Variants in UTRN observed in about 807,000 individuals in gnomAD.
UTRN encodes the protein dystrophin-related protein 1.
A neutral mutation model predicts 463.9 loss-of-function variants in UTRN; 283 were observed. That is an observed-to-expected ratio of 0.61 (90% CI 0.55 to 0.67). The LOEUF (loss-of-function observed/expected upper bound fraction) is 0.67, where lower values mean the gene tolerates loss of function less well. UTRN is among the 30% of genes least tolerant of loss of function. The pLI, the probability that UTRN is intolerant of heterozygous loss-of-function variation, is 0.00. For missense variants in UTRN, 3,922 were observed against 4,084.3 expected (o/e 0.96, Z 1.08); for synonymous variants, 1,442 against 1,431.5 (o/e 1.01, Z -0.17).
chr6:144,308,778 T>C (rs1805982579), intron 2 of UTRN, among the ~76,000 whole-genome samples: 1 of 152,202 alleles, frequency 6.6e-6, no homozygotes, highest in African/African-American at 2.4e-5. Flanking sequence ...TGATTTCCCC[T>C]TTAGTGGATC....
intron 51 of UTRN, among the ~76,000 whole-genome samples, chr6:144,648,251 C>T (rs967140473): frequency 2.0e-5 from 3 of 152,080 alleles, no homozygotes; most frequent in Non-Finnish European, 4.4e-5. Context: ...TGAAAATACA[C>T]CACTCATTCA....
chr6:144,735,064 C>T (rs1247006651), intron 54 of UTRN, among the ~76,000 whole-genome samples: 7 of 152,134 alleles, frequency 4.6e-5, no homozygotes, highest in African/African-American at 1.7e-4. Context: ...ATGAGCTGAG[C>T]ACTGTCCAAG....
At chr6:144,376,923 A>G (rs1780513807) in intron 2 of UTRN, among the ~76,000 whole-genome samples, 1 of 152,208 alleles carries the variant, frequency 6.6e-6, no homozygotes, top group South Asian at 2.1e-4. Context: ...ACTGTGCTCT[A>G]AGCTACAGAT....
intron 43 of UTRN, 27 bp downstream of exon 43, chr6:144,533,287 C>T: frequency 6.2e-7 from 1 of 1,610,402 alleles, no homozygotes; most frequent in Middle Eastern, 1.7e-4. Context: ...TGTTTGCAGG[C>T]ACAGGAGTGA....
intron 53 of UTRN, 42 bp downstream of exon 53, chr6:144,700,285 A>G (rs1379544788): frequency 1.3e-6 from 2 of 1,548,548 alleles, no homozygotes; most frequent in African/African-American, 2.7e-5. Flanking sequence ...TTCAAATTCT[A>G]GTGAGGTAGA....
rs987289299 is a variant in UTRN at position 144,835,944 on chromosome 6, C to G, written c.9824+6C>G. The stretch of plus-strand genomic sequence containing the variant: ...GACCTGGAGGAAGAACAAAGGTGTG[C>G]TAGGCCTGGGAGAAGGAAATATGTC... On this transcript the variant is annotated splice_donor_region_variant and intron_variant, in intron 70 of 74. Coordinates refer to ENST00000367545, the MANE Select transcript of UTRN (RefSeq NM_007124.3). 3 of 1,613,450 alleles carry G rather than the reference C, an allele frequency of 1.9e-6. No individual in the cohort carries two copies. In the African/African-American group the frequency reaches 4.0e-5, roughly 22 times the overall value.
chr6:144,542,915 T>G, intron 46 of UTRN, 45 bp downstream of exon 46: 2 of 1,533,670 alleles, frequency 1.3e-6, no homozygotes, highest in Non-Finnish European at 1.8e-6. Context: ...AAAATCAGTA[T>G]GTAAAATTTT....
At chr6:144,714,865 A>G (rs902601006) in intron 53 of UTRN, among the ~76,000 whole-genome samples, 9 of 152,054 alleles carry the variant, frequency 5.9e-5, no homozygotes, top group African/African-American at 2.2e-4. Flanking sequence ...CTGACTTATT[A>G]ACTGTTCCTC....
At chr6:144,737,825 A>G (rs1025229438) in intron 54 of UTRN, among the ~76,000 whole-genome samples, 4 of 119,848 alleles carry the variant, frequency 3.3e-5, no homozygotes, top group African/African-American at 1.8e-4. Flanking sequence ...AATGCAATTG[A>G]ACTGTTTTTT....
At chr6:144,554,959 C>G in intron 49 of UTRN, 66 bp downstream of exon 49, 1 of 1,529,690 alleles carries the variant, frequency 6.5e-7, no homozygotes, top group Non-Finnish European at 8.9e-7. Context: ...CTATTGTTCA[C>G]TGTAATTCTT....
At chr6:144,642,181 A>C (rs1585737942) in intron 51 of UTRN, among the ~76,000 whole-genome samples, 1 of 152,200 alleles carries the variant, frequency 6.6e-6, no homozygotes. Context: ...TTTAATTTAG[A>C]CTACTTATAC....
Position 144,373,965 on chromosome 6 carries a change from G to A in UTRN, c.80-29158G>A, listed in dbSNP as rs146750252. ...TGGGATGGAGAGCCTTTGAATTACC[G>A]TGGGTGTATGTGTTATCCATTTGCT... On this transcript the variant is annotated intron_variant, in intron 2 of 74. Coordinates refer to ENST00000367545, the MANE Select transcript of UTRN (RefSeq NM_007124.3). Among the ~76,000 whole-genome samples the A allele has an allele frequency of 2.6e-5, 4 of 152,282 alleles. No individual in the cohort carries two copies. The East Asian group carries it at 7.7e-4, about 29-fold the overall frequency.
rs535219098 is a variant in UTRN at position 144,713,920 on chromosome 6, CA to C, written c.7809+13695del. On this transcript the variant is annotated intron_variant, in intron 53 of 74. Transcript: ENST00000367545. Reference sequence around the variant, plus strand: ...GGGAAACAAGAGTGAAACTCTGTCTCAAAAAAAAAAAAAAAAAAGTACAGGG... The same window carrying C: ...GGGAAACAAGAGTGAAACTCTGTCTCAAAAAAAAAAAAAAAAAGTACAGGG... Among the ~76,000 whole-genome samples, 481 of 101,150 alleles carry C rather than the reference CA, an allele frequency of 4.8e-3. 1 individual carries two copies. Among genetic ancestry groups the C allele is most frequent in the East Asian group, 0.022 (86 of 3,882 alleles). 66.4% of individuals were successfully genotyped at this position (101,150 alleles called of 152,430 possible).
At chr6:144,383,288 T>C (rs1781099722) in intron 2 of UTRN, among the ~76,000 whole-genome samples, 2 of 152,198 alleles carry the variant, frequency 1.3e-5, no homozygotes, top group Admixed American at 6.5e-5. Context: ...CTCCAACTTG[T>C]AGACCAGAAA....
chr6:144,434,771 C>A (rs1246547003), intron 9 of UTRN, among the ~76,000 whole-genome samples: 1 of 152,116 alleles, frequency 6.6e-6, no homozygotes, highest in Non-Finnish European at 1.5e-5. Flanking sequence ...GTTGAACCAG[C>A]AGGAAACCAG....
chr6:144,591,516 T>C (rs906717058), intron 51 of UTRN, among the ~76,000 whole-genome samples: 8 of 152,124 alleles, frequency 5.3e-5, no homozygotes, highest in Admixed American at 6.6e-5. Context: ...ATAATGCTGA[T>C]TGACATAAAA....
At chr6:144,550,037 G>A (rs1401362178) in intron 47 of UTRN, among the ~76,000 whole-genome samples, 1 of 152,148 alleles carries the variant, frequency 6.6e-6, no homozygotes, top group Non-Finnish European at 1.5e-5. Flanking sequence ...ATAAATCAAG[G>A]CAAAGAGCCC....
At chr6:144,603,518 A>G (rs1272643201) in intron 51 of UTRN, among the ~76,000 whole-genome samples, 1 of 152,208 alleles carries the variant, frequency 6.6e-6, no homozygotes, top group Non-Finnish European at 1.5e-5. Context: ...CCCTTTGTCC[A>G]TGACAAATTG....
intron 65 of UTRN, among the ~76,000 whole-genome samples, chr6:144,819,910 T>TCCTCCTCCTCCTCCC: frequency 1.3e-5 from 1 of 79,876 alleles, no homozygotes; most frequent in Non-Finnish European, 2.3e-5. Context: ...CTCCTCCTCC[T>TCCTCCTCCTCCTCCC]CCTCTCTCTC....
Sources: gnomAD v4.1 joint callset for allele counts (sites outside exome capture counted in the v4.1 genomes callset) on GRCh38, gnomAD v4.1.1 for gene constraint, MANE v1.5 for transcripts, NCBI Gene and HGNC (gene_info 2026-07-23, HGNC 2026-07-21) for gene names.